Variants in PIK3C2A observed in about 807,000 individuals in gnomAD.
PIK3C2A encodes the protein phosphatidylinositol-4-phosphate 3-kinase catalytic subunit type 2 alpha.
In PIK3C2A, 97 loss-of-function variants were observed where a neutral mutation model predicts 204.5. That is an observed-to-expected ratio of 0.47 (90% CI 0.40 to 0.56). The LOEUF (loss-of-function observed/expected upper bound fraction) is 0.56, where lower values mean the gene tolerates loss of function less well. Among genes scored for constraint, PIK3C2A ranks in the 20% least tolerant of loss-of-function variants. The pLI is 0.00. For synonymous variants in PIK3C2A, 653 were observed against 664.4 expected (o/e 0.98, Z 0.26); for missense variants, 1,735 against 1,969.2 (o/e 0.88, Z 2.25).
intron 1 of PIK3C2A, among the ~76,000 whole-genome samples, chr11:17,170,574 C>T (rs1260027094): frequency 6.6e-6 from 1 of 152,068 alleles, no homozygotes; most frequent in African/African-American, 2.4e-5. Context: ...TATTTTTATT[C>T]TTCACGAAAA....
At chr11:17,154,883 A>G (rs1261073125) in intron 3 of PIK3C2A, among the ~76,000 whole-genome samples, 1 of 152,218 alleles carries the variant, frequency 6.6e-6, no homozygotes, top group Non-Finnish European at 1.5e-5. Context: ...TTTAAGTTCA[A>G]GATGGGTTTC....
At chr11:17,119,484 C>A (rs772609881) in intron 16 of PIK3C2A, among the ~76,000 whole-genome samples, 171 bp from the exon 17 acceptor site, 4 of 152,124 alleles carry the variant, frequency 2.6e-5, no homozygotes, top group Non-Finnish European at 4.4e-5. Flanking sequence ...TTGTGCTATA[C>A]AGATTCAATT....
At chr11:17,161,570 T>A (rs113058405) in intron 2 of PIK3C2A, among the ~76,000 whole-genome samples, 4 of 152,172 alleles carry the variant, frequency 2.6e-5, no homozygotes, top group African/African-American at 9.7e-5. Context: ...AAACTTAAAT[T>A]TCCAGAAGAC....
Position 17,169,380 on chromosome 11 carries a change from G to A in PIK3C2A, c.362C>T (p.Pro121Leu). Residue 121 changes from proline (P) to leucine (L), a missense_variant, in exon 2 of 33, where the codon CCT becomes CTT. By Grantham distance (98) the Pro-to-Leu change is moderately conservative. Transcript: ENST00000691414. ...TGCTGAAAAGGAAGGGCTCAGAATA[G>A]GAGTAACTGGTAATACAGGTGTTTT... ...TKKTPVLPVTPILSPSFSAQL... is the reference protein window; with the variant it reads ...TKKTPVLPVTLILSPSFSAQL... 1 of 1,614,040 alleles carries A rather than the reference G, an allele frequency of 6.2e-7. No homozygotes were observed. Among genetic ancestry groups the A allele is most frequent in the Non-Finnish European group, 8.5e-7 (1 of 1,179,958 alleles).
intron 8 of PIK3C2A, among the ~76,000 whole-genome samples, chr11:17,137,706 G>C (rs998802743): frequency 3.9e-5 from 6 of 152,058 alleles, no homozygotes; most frequent in African/African-American, 1.4e-4. Flanking sequence ...ACTGCGCCTG[G>C]CCTACACTAC....
chr11:17,128,304 G>C (rs1413401627), intron 13 of PIK3C2A, among the ~76,000 whole-genome samples: 1 of 149,306 alleles, frequency 6.7e-6, no homozygotes, highest in Non-Finnish European at 1.5e-5. Flanking sequence ...GGGTGGGGAG[G>C]GGCTCACTGA....
chr11:17,144,832 T>C (rs1197402746), intron 8 of PIK3C2A, among the ~76,000 whole-genome samples: 1 of 137,516 alleles, frequency 7.3e-6, no homozygotes, highest in Non-Finnish European at 1.5e-5. Context: ...GAGGCAGAGG[T>C]TGCAGAGAGC....
At position 17,117,625 on chromosome 11, in the gene PIK3C2A, C is replaced by T. The variant is rs752673250; in HGVS notation, c.3082G>A (p.Glu1028Lys). Residue 1028 changes from glutamate (E) to lysine (K), a missense_variant, in exon 19 of 33, where the codon GAA becomes AAA. This residue lies in a region of PIK3C2A where 567 missense variants were observed against 576.0 expected (regional missense o/e 0.98). Coordinates refer to ENST00000691414, the MANE Select transcript of PIK3C2A (RefSeq NM_002645.4). Reference protein sequence around the residue: ...LHDVQFSTRYEHVLGALLSVG... With the variant: ...LHDVQFSTRYKHVLGALLSVG... ...GACAGGAGAGCACCCAAAACATGTT[C>T]GTATCGGGTACTAAACTGTACATCA... 8 of 1,609,856 alleles carry T rather than the reference C, an allele frequency of 5.0e-6. No individual in the cohort carries two copies. Among genetic ancestry groups the T allele is most frequent in the Middle Eastern group, 1.7e-4 (1 of 6,036 alleles).
rs1375318219 is a variant in PIK3C2A, at chr11:17,105,305, C to G, written c.3545G>C (p.Gly1182Ala). 4 of 1,604,116 alleles carry G rather than the reference C, an allele frequency of 2.5e-6. No individual in the cohort carries two copies. In the South Asian group the frequency reaches 4.5e-5, roughly 18 times the overall value. ...GGAAGCAGGAACCAGCTCCACCATG[C>G]CTTTAATGATAAAATATTAAGCTAT... ...FKCLSTGRDR[G>A]MVELVPASDT... is the part of the protein sequence containing the mutation. Residue 1182 changes from glycine (G) to alanine (A), a missense_variant and splice_region_variant, in exon 23 of 33, where the codon GGC becomes GCC. Gly to Ala is a moderately conservative substitution (Grantham distance 60). Transcript: ENST00000691414.
At position 17,089,547 on chromosome 11, in the gene PIK3C2A, G is replaced by T. The variant is rs560549719; in HGVS notation, c.*191C>A. 1 of 492,904 alleles carries T rather than the reference G, an allele frequency of 2.0e-6. No homozygotes were observed. The highest frequency in any genetic ancestry group is 3.7e-5 in the Admixed American group (1 of 27,236). 30.5% of individuals were successfully genotyped at this position (492,904 alleles called of 1,614,324 possible). A position where few individuals can be genotyped will look rare whatever the true frequency, so the allele number is the denominator to read the frequency against. On this transcript the variant is annotated 3_prime_UTR_variant, in exon 33 of 33. Coordinates refer to ENST00000691414, the MANE Select transcript of PIK3C2A (RefSeq NM_002645.4). ...CAATGGCTTCCAAAAATTCAAAAAG[G>T]TTAGTTATGTGACTGTTGGTCCAAC... is the stretch of plus-strand genomic sequence containing the variant.
intron 25 of PIK3C2A, 65 bp from the exon 26 acceptor site, chr11:17,100,034 CTGTG>C (rs1359896188): frequency 1.3e-6 from 1 of 769,098 alleles, no homozygotes; most frequent in Non-Finnish European, 2.3e-6. Context: ...TCACTCCTTC[CTGTG>C]GGCTGCTCAA....
At chr11:17,164,301 G>A (rs933365041) in intron 2 of PIK3C2A, among the ~76,000 whole-genome samples, 5 of 150,370 alleles carry the variant, frequency 3.3e-5, no homozygotes, top group East Asian at 2.0e-4. Context: ...ACAGTGAGCC[G>A]TGATCGCACT....
rs771238923 is a variant in PIK3C2A at position 17,129,392 on chromosome 11, A to G, written c.2307T>C (p.Asn769=). ...AATCAGGGGAACTTCCACTGCTCTGATTTAAAATTCCAAAAAGAGTAAGGT... is the reference window on the plus strand; with the variant it reads ...AATCAGGGGAACTTCCACTGCTCTGGTTTAAAATTCCAAAAAGAGTAAGGT... ...VLHLTLFGIL[N]QSSGSSPDSN... The change falls in exon 13 of 33, where the codon AAT becomes AAC. Residue 769 remains asparagine (N), a synonymous_variant. Transcript: ENST00000691414. 2 of 1,612,348 alleles carry G rather than the reference A, an allele frequency of 1.2e-6. No individual in the cohort carries two copies. The highest frequency in any genetic ancestry group is 4.5e-5 in the East Asian group (2 of 44,866).
chr11:17,181,250 T>C (rs1188147962), intron 1 of PIK3C2A, among the ~76,000 whole-genome samples: 1 of 152,066 alleles, frequency 6.6e-6, no homozygotes, highest in Non-Finnish European at 1.5e-5. Flanking sequence ...TCTCTAGCAC[T>C]TCTCCCCTCC....
At chr11:17,103,578 T>C (rs1417505451) in intron 23 of PIK3C2A, among the ~76,000 whole-genome samples, 2 of 152,156 alleles carry the variant, frequency 1.3e-5, no homozygotes, top group Non-Finnish European at 2.9e-5. Flanking sequence ...TTATATAGCA[T>C]TTAGCACAAA....
At chr11:17,199,131 A>G (rs1852274137) in intron 1 of PIK3C2A, among the ~76,000 whole-genome samples, 2 of 152,088 alleles carry the variant, frequency 1.3e-5, no homozygotes, top group African/African-American at 4.8e-5. Flanking sequence ...GAAAAAAAAA[A>G]AAAAGCCAAC....
chr11:17,148,126 T>C (rs1850306731), intron 5 of PIK3C2A: 1 of 153,364 alleles, frequency 6.5e-6, no homozygotes, highest in African/African-American at 2.4e-5. Context: ...GGAGAATCGC[T>C]TGAACCCGGG....
chr11:17,134,307 C>T (rs113239967), intron 11 of PIK3C2A, among the ~76,000 whole-genome samples: 4 of 151,796 alleles, frequency 2.6e-5, no homozygotes, highest in African/African-American at 9.7e-5. Context: ...CTGGCTCGAG[C>T]AATACTCCTG....
chr11:17,103,927 C>T lies in PIK3C2A; in HGVS notation c.3682-1096G>A, dbSNP rs576056171. On this transcript the variant is annotated intron_variant, in intron 23 of 32. Coordinates refer to ENST00000691414, the MANE Select transcript of PIK3C2A (RefSeq NM_002645.4). The stretch of plus-strand genomic sequence containing the variant: ...CCAACATTACTAAAACAAGTATTGG[C>T]TTCTGCTGCACTGCTTTTTTTCCCC... Among the ~76,000 whole-genome samples, 3 of 152,298 alleles carry T rather than the reference C, an allele frequency of 2.0e-5. No homozygotes were observed. The South Asian group carries it at 6.2e-4, about 32-fold the overall frequency.
Sources: allele counts gnomAD v4.1 joint callset (sites outside exome capture counted in the v4.1 genomes callset), GRCh38; gene constraint gnomAD v4.1.1; regional missense constraint gnomAD v4.1.1; transcripts MANE v1.5; gene names NCBI Gene and HGNC (gene_info 2026-07-23, HGNC 2026-07-21).